The following CSMD3 variants were observed in gnomAD, a reference collection of about 807,000 sequenced individuals.
CSMD3 encodes the protein CUB and Sushi multiple domains 3, also known as CUB and sushi domain-containing protein 3.
CSMD3 carries 177 observed loss-of-function variants against 435.2 expected under a neutral mutation model. The ratio of observed to expected loss-of-function variants is 0.41; its 90% CI spans 0.36 to 0.46. The LOEUF is 0.46. Ranked by LOEUF, CSMD3 falls within the 20% of genes least tolerant of loss-of-function variation. The pLI is 0.34. For missense variants in CSMD3, 4,265 were observed against 4,504.6 expected, an observed-to-expected ratio of 0.95 and a Z score of 1.52; for synonymous variants, 1,656 against 1,520.5, an observed-to-expected ratio of 1.09 and a Z score of -2.07.
At chr8:112,451,758 G>T (rs752249661) in intron 32 of CSMD3, among the ~76,000 whole-genome samples, 1 of 152,064 alleles carries the variant, frequency 6.6e-6, no homozygotes, top group Non-Finnish European at 1.5e-5. Context: ...GGCTGGTCTC[G>T]AACTCCTGAC....
At chr8:112,776,159 A>G (rs559668714) in intron 13 of CSMD3, among the ~76,000 whole-genome samples, 5 of 151,934 alleles carry the variant, frequency 3.3e-5, no homozygotes, top group Admixed American at 1.3e-4. Flanking sequence ...TATTTAAACC[A>G]TGGGAAACAT....
intron 32 of CSMD3, among the ~76,000 whole-genome samples, chr8:112,462,280 A>T (rs1029253726): frequency 2.0e-5 from 3 of 152,236 alleles, no homozygotes; most frequent in African/African-American, 7.2e-5. Flanking sequence ...AACTTATCAC[A>T]TTGGTAAAAT....
intron 1 of CSMD3, among the ~76,000 whole-genome samples, chr8:113,364,380 T>G (rs2094297893): frequency 6.6e-6 from 1 of 152,106 alleles, no homozygotes; most frequent in Non-Finnish European, 1.5e-5. Context: ...ACATTTGTAT[T>G]CTTTAAGCTA....
intron 3 of CSMD3, among the ~76,000 whole-genome samples, chr8:113,220,100 G>C (rs1273402555): frequency 6.6e-6 from 1 of 151,318 alleles, no homozygotes; most frequent in Non-Finnish European, 1.5e-5. Context: ...GAAAAAATTG[G>C]AAAGCTTAAT....
intron 10 of CSMD3, among the ~76,000 whole-genome samples, chr8:112,860,222 G>A (rs1384272805): frequency 1.3e-5 from 2 of 151,542 alleles, no homozygotes; most frequent in African/African-American, 4.8e-5. Context: ...TGTCTTTCTT[G>A]TATGTTACAT....
chr8:112,540,309 G>T (rs983725477), intron 27 of CSMD3, among the ~76,000 whole-genome samples: 1 of 151,954 alleles, frequency 6.6e-6, no homozygotes, highest in African/African-American at 2.4e-5. Context: ...AAAAAAAAGA[G>T]GGAATGCTCA....
At chr8:113,222,367 T>C (rs977121226) in intron 3 of CSMD3, among the ~76,000 whole-genome samples, 5 of 151,090 alleles carry the variant, frequency 3.3e-5, no homozygotes, top group African/African-American at 1.2e-4. Flanking sequence ...AGAGTCTTTG[T>C]AAGTGCCTTT....
intron 3 of CSMD3, among the ~76,000 whole-genome samples, chr8:113,191,157 T>A (rs1226521404): frequency 5.9e-5 from 9 of 151,828 alleles, no homozygotes; most frequent in Non-Finnish European, 1.5e-5. Context: ...AGAGAATGGA[T>A]GTTTAAGAGA....
At chr8:112,422,532 C>T (rs1812629908) in intron 32 of CSMD3, among the ~76,000 whole-genome samples, 1 of 152,170 alleles carries the variant, frequency 6.6e-6, no homozygotes, top group Admixed American at 6.5e-5. Flanking sequence ...CCAGATTTGA[C>T]AAGCTTTGCT....
At chr8:113,185,327 T>C (rs1364725753) in intron 3 of CSMD3, among the ~76,000 whole-genome samples, 1 of 152,048 alleles carries the variant, frequency 6.6e-6, no homozygotes, top group Admixed American at 6.6e-5. Flanking sequence ...GTTGAGGTGA[T>C]GTGGGAAGAA....
chr8:113,086,369 A>C (rs2134838), intron 5 of CSMD3, among the ~76,000 whole-genome samples: 102,128 of 151,932 alleles, frequency 0.67, 35,941 homozygotes, highest in East Asian at 0.95. Flanking sequence ...ATAAACCATG[A>C]CGTTTTGTAA....
intron 62 of CSMD3, 126 bp downstream of exon 62, chr8:112,255,128 G>A (rs1268048033): frequency 1.4e-6 from 1 of 711,424 alleles, no homozygotes; most frequent in East Asian, 2.6e-5. Context: ...CCTTCTAATT[G>A]CTTCTATATT....
At chr8:113,425,801 T>C (rs2094632986) in intron 1 of CSMD3, among the ~76,000 whole-genome samples, 1 of 151,584 alleles carries the variant, frequency 6.6e-6, no homozygotes, top group East Asian at 1.9e-4. Context: ...CTGTCAGCAT[T>C]TCTATTACAA....
chr8:112,948,858 T>G (rs1040658628), intron 8 of CSMD3, among the ~76,000 whole-genome samples: 1 of 152,008 alleles, frequency 6.6e-6, no homozygotes, highest in Non-Finnish European at 1.5e-5. Flanking sequence ...CCTCTAGATA[T>G]TCTAATGCAA....
At chr8:112,895,711 G>T (rs754941280) in intron 10 of CSMD3, among the ~76,000 whole-genome samples, 22 of 151,318 alleles carry the variant, frequency 1.5e-4, no homozygotes, top group Admixed American at 4.0e-4. Flanking sequence ...GAAAAATAAA[G>T]TGTTAATGTT....
intron 22 of CSMD3, among the ~76,000 whole-genome samples, chr8:112,620,116 G>T (rs1833955926): frequency 6.6e-6 from 1 of 152,022 alleles, no homozygotes; most frequent in African/African-American, 2.4e-5. Flanking sequence ...CCAGAATGTG[G>T]AATATTCTAT....
intron 32 of CSMD3, among the ~76,000 whole-genome samples, chr8:112,466,941 T>A (rs1407673997): frequency 6.6e-6 from 1 of 152,170 alleles, no homozygotes; most frequent in East Asian, 1.9e-4. Flanking sequence ...GGAAAGATGT[T>A]TCTAGATTAA....
intron 6 of CSMD3, among the ~76,000 whole-genome samples, chr8:113,011,451 C>G (rs2086252742): frequency 6.6e-6 from 1 of 151,632 alleles, no homozygotes; most frequent in Non-Finnish European, 1.5e-5. Flanking sequence ...TGAAGTAAAA[C>G]AATATTTAGC....
intron 28 of CSMD3, among the ~76,000 whole-genome samples, chr8:112,516,689 G>T (rs1442840764): frequency 6.6e-6 from 1 of 152,092 alleles, no homozygotes; most frequent in African/African-American, 2.4e-5. Context: ...TTAGAGACAA[G>T]ATCAATATGA....
Sources: gnomAD v4.1 joint callset for allele counts (sites outside exome capture counted in the v4.1 genomes callset) on GRCh38, gnomAD v4.1.1 for gene constraint, MANE v1.5 for transcripts, NCBI Gene and HGNC (gene_info 2026-07-23, HGNC 2026-07-21) for gene names.